LRRC4C: variants seen among roughly 807,000 people sequenced by gnomAD.
LRRC4C encodes leucine rich repeat containing 4C.
LRRC4C carries 5 observed loss-of-function variants against 33.6 expected under a neutral mutation model. That is an observed-to-expected ratio of 0.15 (90% CI 0.08 to 0.31). The LOEUF is 0.31. Among genes scored for constraint, LRRC4C ranks in the 10% least tolerant of loss-of-function variants. The pLI is 1.00. For missense variants in LRRC4C, 560 were observed against 796.7 expected, an observed-to-expected ratio of 0.70 and a Z score of 3.58; for synonymous variants, 329 against 302.0, an observed-to-expected ratio of 1.09 and a Z score of -0.93.
intron 1 of LRRC4C, among the ~76,000 whole-genome samples, chr11:41,359,490 T>G (rs550679206): frequency 6.6e-6 from 1 of 152,280 alleles, no homozygotes; most frequent in South Asian, 2.1e-4. Context: ...AATTTTTCTG[T>G]CAGCCTAAAA....
rs546742644 is a variant in LRRC4C, at chr11:40,574,458, A to T, written c.-270+73684T>A. 3.3e-5 allele frequency among the ~76,000 whole-genome samples: 5 copies of T among 152,328 alleles called. 1 individual carries two copies. The South Asian group carries it at 1.0e-3, about 32-fold the overall frequency. ...TACATCTATAGGCGATATCAGGAAC[A>T]AACCTGAGCTAAGGGAGGGCAGAAA... On this transcript the variant is annotated intron_variant, in intron 3 of 6. Transcript: ENST00000528697.
At chr11:40,179,842 CT>C (rs1355516493) in intron 5 of LRRC4C, among the ~76,000 whole-genome samples, 1 of 152,202 alleles carries the variant, frequency 6.6e-6, no homozygotes, top group Non-Finnish European at 1.5e-5. Flanking sequence ...CTACTTTGGT[CT>C]TTTTAGTCGC....
intron 1 of LRRC4C, among the ~76,000 whole-genome samples, chr11:41,127,380 A>T (rs1388383308): frequency 2.0e-5 from 3 of 151,964 alleles, no homozygotes; most frequent in Admixed American, 2.0e-4. Context: ...CTGCTGAAGA[A>T]ATCTATTTGA....
In LRRC4C at chr11:40,382,527, TTTA is replaced by T. The variant is rs200372061; in HGVS notation, c.-269-62809_-269-62807del. On this transcript the variant is annotated intron_variant, in intron 3 of 6. Transcript: ENST00000528697. ...CAAAAGTTTCCTCCAACCCTCTTTA[TTTA>T]TTATTATTTTATGATAAGAACACTT... is the stretch of plus-strand genomic sequence containing the variant. Among the ~76,000 whole-genome samples the T allele has an allele frequency of 5.7e-3, 868 of 151,484 alleles. 9 individuals are homozygous for T. Among genetic ancestry groups the T allele is most frequent in the African/African-American group, 0.02 (832 of 41,082 alleles).
intron 3 of LRRC4C, chr11:40,351,443 A>C (rs1203267269): frequency 6.6e-6 from 1 of 151,990 alleles, no homozygotes; most frequent in East Asian, 1.9e-4. Context: ...ATTAAGTCTA[A>C]TGTTTCTTTG....
intron 3 of LRRC4C, among the ~76,000 whole-genome samples, chr11:40,496,586 T>C (rs1954471417): frequency 6.6e-6 from 1 of 152,058 alleles, no homozygotes; most frequent in African/African-American, 2.4e-5. Flanking sequence ...AGAGGGAAAA[T>C]ATACCAGAAA....
intron 5 of LRRC4C, among the ~76,000 whole-genome samples, chr11:40,227,508 G>A (rs1210414089): frequency 6.6e-6 from 1 of 152,162 alleles, no homozygotes; most frequent in East Asian, 1.9e-4. Context: ...AAGTCATAGA[G>A]CTGAAGCATA....
intron 3 of LRRC4C, among the ~76,000 whole-genome samples, chr11:40,568,712 C>T (rs1957861158): frequency 2.0e-5 from 3 of 152,080 alleles, no homozygotes; most frequent in Admixed American, 2.0e-4. Flanking sequence ...CCTGGAATCA[C>T]ATACCTAGAA....
intron 1 of LRRC4C, among the ~76,000 whole-genome samples, chr11:41,357,658 C>A (rs16935629): frequency 0.14 from 21,838 of 151,938 alleles, 1,679 homozygotes; most frequent in Middle Eastern, 0.18. Flanking sequence ...TAGTGGCTCA[C>A]AGATAAATCG....
intron 2 of LRRC4C, among the ~76,000 whole-genome samples, chr11:40,826,746 A>G (rs1176768722): frequency 6.6e-6 from 1 of 151,988 alleles, no homozygotes; most frequent in Admixed American, 6.6e-5. Flanking sequence ...GAATTTTTCC[A>G]TAATTTTCTC....
intron 3 of LRRC4C, among the ~76,000 whole-genome samples, chr11:40,419,905 G>C (rs984956480): frequency 3.9e-5 from 6 of 152,148 alleles, no homozygotes; most frequent in African/African-American, 1.4e-4. Context: ...GAAGCACCAG[G>C]TCCAGATATT....
intron 3 of LRRC4C, among the ~76,000 whole-genome samples, chr11:40,599,348 G>A (rs1400393882): frequency 6.6e-6 from 1 of 152,118 alleles, no homozygotes; most frequent in African/African-American, 2.4e-5. Context: ...CTACTCGGGA[G>A]GCTGAGGCAG....
chr11:41,091,472 C>T (rs970989837), intron 1 of LRRC4C, among the ~76,000 whole-genome samples: 2 of 151,998 alleles, frequency 1.3e-5, no homozygotes, highest in Non-Finnish European at 2.9e-5. Context: ...TCAGGAATCT[C>T]TAACTCTACC....
chr11:41,010,884 G>C (rs11036189), intron 1 of LRRC4C, among the ~76,000 whole-genome samples: 24,570 of 152,022 alleles, frequency 0.16, 2,178 homozygotes, highest in African/African-American at 0.22. Flanking sequence ...TGCCAAATGA[G>C]TCTTGGATGC....
intron 2 of LRRC4C, among the ~76,000 whole-genome samples, chr11:40,901,473 T>G (rs1956195094): frequency 6.6e-6 from 1 of 152,080 alleles, no homozygotes; most frequent in Admixed American, 6.6e-5. Flanking sequence ...TACAAGAATG[T>G]TTATACATAC....
intron 2 of LRRC4C, among the ~76,000 whole-genome samples, chr11:40,655,117 A>G (rs1227916358): frequency 6.6e-6 from 1 of 152,220 alleles, no homozygotes; most frequent in Non-Finnish European, 1.5e-5. Flanking sequence ...GTGAGAACAC[A>G]CTAATATAGG....
At chr11:40,381,970 T>TTG (rs932535614) in intron 3 of LRRC4C, among the ~76,000 whole-genome samples, 2 of 144,510 alleles carry the variant, frequency 1.4e-5, no homozygotes, top group African/African-American at 5.1e-5. Flanking sequence ...TTTTTTTTTT[T>TTG]TTTTTTGAGA....
At chr11:41,061,718 C>G (rs1307151624) in intron 1 of LRRC4C, among the ~76,000 whole-genome samples, 1 of 152,154 alleles carries the variant, frequency 6.6e-6, no homozygotes, top group Non-Finnish European at 1.5e-5. Context: ...GGAAGGTATA[C>G]TATCATGGGC....
chr11:40,659,158 C>T (rs576417666), intron 2 of LRRC4C, among the ~76,000 whole-genome samples: 3 of 152,332 alleles, frequency 2.0e-5, no homozygotes, highest in African/African-American at 7.2e-5. Context: ...CACTCCAGTG[C>T]AGAGCAAAGT....
Sources: allele counts gnomAD v4.1 joint callset (sites outside exome capture counted in the v4.1 genomes callset), GRCh38; gene constraint gnomAD v4.1.1; transcripts MANE v1.5; gene names NCBI Gene and HGNC (gene_info 2026-07-23, HGNC 2026-07-21).